Variants in VCPIP1 observed in about 807,000 individuals in gnomAD.
VCPIP1 encodes deubiquitinating protein VCPIP1.
In VCPIP1, 8 loss-of-function variants were observed where a neutral mutation model predicts 85.0. The observed-to-expected ratio is 0.09, with a 90% CI of 0.06 to 0.17. The LOEUF (loss-of-function observed/expected upper bound fraction) is 0.17. Ranked by LOEUF, VCPIP1 falls within the 10% of genes least tolerant of loss-of-function variation. VCPIP1 has a pLI of 1.00. For synonymous variants in VCPIP1, 543 were observed against 544.5 expected (o/e 1.00, Z 0.04); for missense variants, 1,070 against 1,486.3 (o/e 0.72, Z 4.61).
At chr8:66,662,341 T>G (rs978996250) in intron 1 of VCPIP1, among the ~76,000 whole-genome samples, 1 of 152,158 alleles carries the variant, frequency 6.6e-6, no homozygotes, top group Admixed American at 6.5e-5. Flanking sequence ...GTTACCAGAA[T>G]TTTCATGAAC....
intron 2 of VCPIP1, among the ~76,000 whole-genome samples, chr8:66,650,860 CAAAAAAAAAAAAAAAA>C (rs770736039): frequency 2.9e-4 from 4 of 13,916 alleles, no homozygotes; most frequent in South Asian, 4.1e-3. Context: ...GACTTCGTCT[CAAAAAAAAAAAAAAAA>C]AAAAAAAAAA....
In VCPIP1 at chr8:66,664,687, C is replaced by T; in HGVS notation, c.2272G>A (p.Ala758Thr). Residue 758 changes from alanine to threonine, a missense_variant, in exon 1 of 3, where the codon GCA becomes ACA. By Grantham distance (58) the Ala-to-Thr change is moderately conservative (BLOSUM62 0). Coordinates refer to ENST00000310421, the MANE Select transcript of VCPIP1 (RefSeq NM_025054.5). ...GGAGCCTTGGTAGGTGTAGCAGGTG[C>T]AGAGGATGGACCATCACGAATGGTA... ...PSTIRDGPSS[A>T]PATPTKAPYS... 1 of 1,613,480 alleles carries T rather than the reference C, an allele frequency of 6.2e-7. No individual in the cohort carries two copies. Among genetic ancestry groups the T allele is most frequent in the African/African-American group, 1.3e-5 (1 of 75,008 alleles).
intron 1 of VCPIP1, among the ~76,000 whole-genome samples, chr8:66,659,332 T>C (rs11997554): frequency 0.09 from 13,676 of 151,986 alleles, 1,283 homozygotes; most frequent in African/African-American, 0.23. Context: ...CCAGAGTTAG[T>C]CTTTTAAGTA....
intron 1 of VCPIP1, among the ~76,000 whole-genome samples, chr8:66,662,743 G>A (rs747433064): frequency 2.6e-5 from 4 of 151,306 alleles, no homozygotes; most frequent in Non-Finnish European, 5.9e-5. Context: ...GTGCCGTGGC[G>A]CGATCTAGGC....
In VCPIP1 at chr8:66,635,473, T is replaced by C. The variant is rs917289387; in HGVS notation, c.2798-101A>G. The C allele has an allele frequency of 3.8e-5, 46 of 1,219,496 alleles. No homozygotes were observed. In the African/African-American group the frequency reaches 6.9e-4, roughly 18 times the overall value. The allele number at this position is 1,219,496 out of a possible 1,614,324, so 75.5% of individuals were successfully genotyped here. A position where few individuals can be genotyped will look rare whatever the true frequency, so the allele number is the denominator to read the frequency against. On this transcript the variant is annotated intron_variant, in intron 2 of 2. Coordinates refer to ENST00000310421, the MANE Select transcript of VCPIP1 (RefSeq NM_025054.5). ...TAAAATAATGAATTTTAAATAACAATTTACAGATAACAGCTTTCAAAACAA... is the reference window on the plus strand; with the variant it reads ...TAAAATAATGAATTTTAAATAACAACTTACAGATAACAGCTTTCAAAACAA...
In VCPIP1 at chr8:66,667,105, G is replaced by C; in HGVS notation, c.-147C>G. The C allele has an allele frequency of 7.2e-7, 1 of 1,396,942 alleles. No individual in the cohort carries two copies. Among genetic ancestry groups the C allele is most frequent in the East Asian group, 2.6e-5 (1 of 38,700 alleles). The allele number at this position is 1,396,942 out of a possible 1,614,324, so 86.5% of individuals were successfully genotyped here. ...CCAGCTCTTCCTCCTCCTAAGCGAA[G>C]GCGGAAGCGCCGGACGTTGTTTCTC... On this transcript the variant is annotated 5_prime_UTR_variant, in exon 1 of 3. Coordinates refer to ENST00000310421, the MANE Select transcript of VCPIP1 (RefSeq NM_025054.5).
chr8:66,645,073 G>A (rs1227560467), intron 2 of VCPIP1, among the ~76,000 whole-genome samples: 5 of 147,884 alleles, frequency 3.4e-5, no homozygotes, highest in South Asian at 2.2e-4. Context: ...CTAAGATTGC[G>A]CCACTGCACT....
chr8:66,665,057 A>C lies in VCPIP1; in HGVS notation c.1902T>G (p.Phe634Leu). ...DVAMKLVTKH[F>L]PGEFGSEILV... Reference sequence around the variant, plus strand: ...GGATTTCACTCCCAAATTCACCTGGAAAGTGCTTGGTAACAAGTTTCATTG... The same window carrying C: ...GGATTTCACTCCCAAATTCACCTGGCAAGTGCTTGGTAACAAGTTTCATTG... The change falls in exon 1 of 3, where the codon TTT becomes TTG. Residue 634 changes from phenylalanine to leucine, a missense_variant. Physicochemically the swap from Phe to Leu is conservative, Grantham distance 22 (BLOSUM62 0). This residue lies in a region of VCPIP1 where 3 missense variants were observed against 16.5 expected (regional missense o/e 0.18). Transcript: ENST00000310421. The surrounding 1 kb of genome is among the most constrained non-coding windows in gnomAD (Gnocchi z 4.3). The C allele has an allele frequency of 6.2e-7, 1 of 1,614,076 alleles. No individual in the cohort carries two copies.
chr8:66,644,852 C>CT (rs1810979362), intron 2 of VCPIP1, among the ~76,000 whole-genome samples: 8 of 151,692 alleles, frequency 5.3e-5, no homozygotes, highest in Admixed American at 5.3e-4. Context: ...AATCCTAGCA[C>CT]TTTGGGAGGC....
intron 1 of VCPIP1, among the ~76,000 whole-genome samples, chr8:66,652,796 C>T (rs1333413534): frequency 1.3e-5 from 2 of 152,036 alleles, no homozygotes; most frequent in South Asian, 2.1e-4. Context: ...ATGGCAGGAA[C>T]ATAACAGTTA....
intron 2 of VCPIP1, among the ~76,000 whole-genome samples, chr8:66,647,448 GA>G (rs886167318): frequency 7.3e-5 from 11 of 151,454 alleles, no homozygotes; most frequent in Admixed American, 3.3e-4. Context: ...TTCTGAAAAA[GA>G]AAAAAAGATG....
At chr8:66,647,998 T>C (rs949071843) in intron 2 of VCPIP1, among the ~76,000 whole-genome samples, 3 of 152,230 alleles carry the variant, frequency 2.0e-5, no homozygotes, top group African/African-American at 7.2e-5. Flanking sequence ...GGATGGGGTT[T>C]CATCATGTTG....
intron 2 of VCPIP1, among the ~76,000 whole-genome samples, chr8:66,640,622 A>C (rs1810937785): frequency 6.6e-6 from 1 of 152,236 alleles, no homozygotes; most frequent in African/African-American, 2.4e-5. Flanking sequence ...CAGGCAGACC[A>C]GCAGACTGGC....
chr8:66,664,670 G>A lies in VCPIP1; in HGVS notation c.2289C>T (p.Thr763=), dbSNP rs1480745941. Residue 763 remains threonine, a synonymous_variant, in exon 1 of 3, where the codon ACC becomes ACT. Coordinates refer to ENST00000310421, the MANE Select transcript of VCPIP1 (RefSeq NM_025054.5). ...DGPSSAPATP[T]KAPYSPTTSK... is the part of the protein sequence containing the mutation. The stretch of plus-strand genomic sequence containing the variant: ...AAGTTGTCGGTGAATAGGGAGCCTT[G>A]GTAGGTGTAGCAGGTGCAGAGGATG... 4 of 1,613,462 alleles carry A rather than the reference G, an allele frequency of 2.5e-6. No individual in the cohort carries two copies. In the South Asian group the frequency reaches 4.4e-5, roughly 18 times the overall value.
intron 2 of VCPIP1, among the ~76,000 whole-genome samples, chr8:66,646,534 G>C (rs918775074): frequency 6.6e-6 from 1 of 152,210 alleles, no homozygotes; most frequent in South Asian, 2.1e-4. Flanking sequence ...GGTGGTTCAC[G>C]CCTGTAATCC....
Position 66,666,757 on chromosome 8 carries a change from T to G in VCPIP1, c.202A>C (p.Ile68Leu). 6.2e-7 allele frequency: 1 copy of G among 1,613,936 alleles called. No homozygotes were observed. The highest frequency in any genetic ancestry group is 8.5e-7 in the Non-Finnish European group (1 of 1,179,840). The change falls in exon 1 of 3, where the codon ATC (isoleucine) becomes CTC (leucine). Residue 68 changes from isoleucine (I) to leucine (L), a missense_variant. Physicochemically the swap from Ile to Leu is conservative, Grantham distance 5 (BLOSUM62 2). Around this residue, in one of 8 missense-constraint regions of VCPIP1, gnomAD observed 164 missense variants for 158.6 expected, o/e 1.03. Coordinates refer to ENST00000310421, the MANE Select transcript of VCPIP1 (RefSeq NM_025054.5). The surrounding 1 kb of genome is among the most constrained non-coding windows in gnomAD (Gnocchi z 6.3). ...LFFPASGSVS[I>L]ECTECGQRHE... ...CGCTGGCCGCACTCGGTACACTCGA[T>G]GCTGACAGAACCGGAGGCCGGGAAA...
chr8:66,652,669 T>C (rs550320103), intron 1 of VCPIP1, among the ~76,000 whole-genome samples: 14 of 152,048 alleles, frequency 9.2e-5, no homozygotes, highest in Non-Finnish European at 1.8e-4. Context: ...ATATAAATTT[T>C]ATATTTATAT....
chr8:66,656,692 CTCTA>C (rs1210441852), intron 1 of VCPIP1, among the ~76,000 whole-genome samples: 1 of 152,080 alleles, frequency 6.6e-6, no homozygotes, highest in Non-Finnish European at 1.5e-5. Flanking sequence ...TCACTGCAGC[CTCTA>C]TCTTCCAGGT....
At chr8:66,644,465 T>C (rs1810975543) in intron 2 of VCPIP1, among the ~76,000 whole-genome samples, 1 of 152,098 alleles carries the variant, frequency 6.6e-6, no homozygotes, top group African/African-American at 2.4e-5. Context: ...GAAAAGAGCA[T>C]CTCACAAAAT....
Sources: gnomAD v4.1 joint callset for allele counts (sites outside exome capture counted in the v4.1 genomes callset) on GRCh38, gnomAD v4.1.1 for gene constraint, gnomAD v4.1.1 regional missense constraint, Gnocchi (gnomAD v3.1) non-coding constraint, MANE v1.5 for transcripts, NCBI Gene and HGNC (gene_info 2026-07-23, HGNC 2026-07-21) for gene names.